Variants in SPEF2 observed in about 807,000 individuals in gnomAD.
The protein encoded by SPEF2 is sperm flagellar and cilia associated 2.
In SPEF2, 187 loss-of-function variants were observed where a neutral mutation model predicts 224.6. The ratio of observed to expected loss-of-function variants is 0.83; its 90% CI spans 0.74 to 0.94. The LOEUF is 0.94. Among genes scored for constraint, SPEF2 ranks in the 40% least tolerant of loss-of-function variants. SPEF2 has a pLI of 0.00. For synonymous variants in SPEF2, 715 were observed against 707.3 expected, an observed-to-expected ratio of 1.01 and a Z score of -0.17; for missense variants, 2,170 against 2,135.6, an observed-to-expected ratio of 1.02 and a Z score of -0.32.
At chr5:35,725,947 C>T (rs1212144873) in intron 20 of SPEF2, among the ~76,000 whole-genome samples, 2 of 152,162 alleles carry the variant, frequency 1.3e-5, no homozygotes, top group Non-Finnish European at 2.9e-5. Flanking sequence ...AATAGTTACA[C>T]TGAGGACTCA....
At chr5:35,807,588 C>T in intron 36 of SPEF2, 1 of 1,480,536 alleles carries the variant, frequency 6.8e-7, no homozygotes, top group Non-Finnish European at 9.1e-7. Context: ...TAACCAAGAC[C>T]ATGATCTCCA....
chr5:35,643,948 A>C (rs1175468038), intron 3 of SPEF2, among the ~76,000 whole-genome samples: 1 of 152,122 alleles, frequency 6.6e-6, no homozygotes, highest in African/African-American at 2.4e-5. Context: ...ATGTTTCTTC[A>C]CTTTTTACTA....
chr5:35,764,825 C>T (rs1751872724), intron 26 of SPEF2: 2 of 419,078 alleles, frequency 4.8e-6, no homozygotes, highest in Admixed American at 5.8e-5. Context: ...TTCTTTTGTT[C>T]TCCCCGCTTA....
chr5:35,785,382 C>T (rs1754953085), intron 30 of SPEF2, among the ~76,000 whole-genome samples: 1 of 151,976 alleles, frequency 6.6e-6, no homozygotes, highest in Non-Finnish European at 1.5e-5. Flanking sequence ...AGACAACTTA[C>T]GTTAGACAAA....
intron 7 of SPEF2, 46 bp downstream of exon 7, chr5:35,654,772 C>G: frequency 4.6e-6 from 7 of 1,528,686 alleles, no homozygotes; most frequent in Non-Finnish European, 6.2e-6. Flanking sequence ...GGGAATTCTA[C>G]AAAATGTAGT....
chr5:35,629,650 C>T (rs1744804682), intron 2 of SPEF2, among the ~76,000 whole-genome samples: 1 of 152,186 alleles, frequency 6.6e-6, no homozygotes, highest in Non-Finnish European at 1.5e-5. Flanking sequence ...GCACACCATT[C>T]AGTGCTTCTT....
At chr5:35,764,407 A>G in intron 26 of SPEF2, 1 of 363,366 alleles carries the variant, frequency 2.8e-6, no homozygotes, top group South Asian at 2.1e-5. Context: ...TTCAAAGCTT[A>G]TATCATTTCT....
At position 35,806,708 on chromosome 5, in the gene SPEF2, C is replaced by G; in HGVS notation, c.5012C>G (p.Thr1671Ser). ...VKASIPSAEK[T>S]SSTDAGPAEE... is the part of the protein sequence containing the mutation. ...TGTTCTCTTCATTTAACTTTGCAGA[C>G]CTCCTCAACTGATGCAGGTCCAGCT... Residue 1671 changes from threonine to serine, a missense_variant and splice_region_variant, in exon 35 of 37, where the codon ACC becomes AGC. Thr to Ser is a moderately conservative substitution (Grantham distance 58). Coordinates refer to ENST00000356031, the MANE Select transcript of SPEF2 (RefSeq NM_024867.4). The G allele has an allele frequency of 1.2e-6, 2 of 1,611,792 alleles. No individual in the cohort carries two copies. Among genetic ancestry groups the G allele is most frequent in the Non-Finnish European group, 1.7e-6 (2 of 1,179,380 alleles).
At chr5:35,702,522 A>G (rs1738858669) in intron 16 of SPEF2, among the ~76,000 whole-genome samples, 2 of 152,188 alleles carry the variant, frequency 1.3e-5, no homozygotes, top group African/African-American at 4.8e-5. Flanking sequence ...CAGGCATCAA[A>G]TACTGACCCT....
intron 15 of SPEF2, chr5:35,698,173 C>A: frequency 6.3e-6 from 1 of 159,808 alleles, no homozygotes; most frequent in East Asian, 1.9e-4. Flanking sequence ...GGTCAGCAGG[C>A]TGGAGAAAAC....
chr5:35,745,494 G>C (rs1748359559), intron 23 of SPEF2, among the ~76,000 whole-genome samples: 1 of 152,082 alleles, frequency 6.6e-6, no homozygotes, highest in Non-Finnish European at 1.5e-5. Context: ...CGGTGGGAGT[G>C]AGACCGGCCC....
chr5:35,737,336 T>C lies in SPEF2; in HGVS notation c.3064-2583T>C, dbSNP rs369530215. ...CCATTAACTCATCATTTACATTAGG[T>C]ATATCTCCTAATGCTATCCCTCCTC... On this transcript the variant is annotated intron_variant, in intron 21 of 36. Transcript: ENST00000356031. Among the ~76,000 whole-genome samples, 4 of 151,564 alleles carry C rather than the reference T, an allele frequency of 2.6e-5. No individual in the cohort carries two copies. The East Asian group carries it at 7.8e-4, about 30-fold the overall frequency.
chr5:35,727,546 T>C, intron 20 of SPEF2, 129 bp from the exon 21 acceptor site: 1 of 675,028 alleles, frequency 1.5e-6, no homozygotes, highest in Non-Finnish European at 2.4e-6. Flanking sequence ...TTTGTAAGAC[T>C]CCTCAAAAAA....
At chr5:35,642,421 T>C (rs995073601) in intron 3 of SPEF2, among the ~76,000 whole-genome samples, 6 of 152,172 alleles carry the variant, frequency 3.9e-5, no homozygotes, top group Non-Finnish European at 7.3e-5. Flanking sequence ...CAGTTCTTCC[T>C]TTGGAACTCT....
At position 35,691,122 on chromosome 5, in the gene SPEF2, A is replaced by T. The variant is rs368046890; in HGVS notation, c.1610A>T (p.His537Leu). 6 of 1,614,132 alleles carry T rather than the reference A, an allele frequency of 3.7e-6. No homozygotes were observed. The highest frequency in any genetic ancestry group is 1.3e-5 in the African/African-American group (1 of 75,050). Residue 537 changes from histidine (H) to leucine (L), a missense_variant, in exon 11 of 37, where the codon CAC (histidine) becomes CTC (leucine). By Grantham distance (99) the His-to-Leu change is moderately conservative. Transcript: ENST00000356031. ...AATTGCATACTGGGCCATATTCTTCACAGGCTAGCTGAAAAATCTCTTCCT... is the reference window on the plus strand; with the variant it reads ...AATTGCATACTGGGCCATATTCTTCTCAGGCTAGCTGAAAAATCTCTTCCT... Reference protein sequence around the residue: ...SNNCILGHILHRLAEKSLPPR... With the variant: ...SNNCILGHILLRLAEKSLPPR...
chr5:35,642,557 G>T (rs1353857943), intron 3 of SPEF2, among the ~76,000 whole-genome samples: 1 of 152,106 alleles, frequency 6.6e-6, no homozygotes, highest in Non-Finnish European at 1.5e-5. Context: ...TGATGAATAT[G>T]TCTAGTACAA....
At chr5:35,659,354 T>C (rs912243510) in intron 8 of SPEF2, 147 bp downstream of exon 8, 43 of 743,712 alleles carry the variant, frequency 5.8e-5, no homozygotes, top group Admixed American at 5.1e-4. Context: ...ATTTTTATTT[T>C]TGTATAACTC....
rs1170023621 is a variant in SPEF2, at chr5:35,790,100, ACTAGTCGAC to A, written c.4448-2234_4448-2226del. On this transcript the variant is annotated intron_variant, in intron 30 of 36. Transcript: ENST00000356031. ...TACACAAGTATCCAAATATCCTGAC[ACTAGTCGAC>A]CTAGTGTTGACCCTTCCTGCAAGTT... 3 of 702,936 alleles carry A rather than the reference ACTAGTCGAC, an allele frequency of 4.3e-6. No homozygotes were observed. The Admixed American group carries it at 6.0e-5, about 14-fold the overall frequency. The allele number at this position is 702,936 out of a possible 1,614,324, so 43.5% of individuals were successfully genotyped here. A position where few individuals can be genotyped will look rare whatever the true frequency, so the allele number is the denominator to read the frequency against.
intron 30 of SPEF2, 68 bp from the exon 31 acceptor site, chr5:35,792,272 A>G (rs1756075015): frequency 3.2e-6 from 4 of 1,255,772 alleles, no homozygotes; most frequent in Non-Finnish European, 4.5e-6. Context: ...CATTGCTTCT[A>G]TTTTAGCAAA....
Sources: gnomAD v4.1 joint callset for allele counts (sites outside exome capture counted in the v4.1 genomes callset) on GRCh38, gnomAD v4.1.1 for gene constraint, MANE v1.5 for transcripts, NCBI Gene and HGNC (gene_info 2026-07-23, HGNC 2026-07-21) for gene names.